INPP5D: variants seen among roughly 807,000 people sequenced by gnomAD.
The protein encoded by INPP5D is phosphatidylinositol 3,4,5-trisphosphate 5-phosphatase 1.
INPP5D carries 33 observed loss-of-function variants against 122.9 expected under a neutral mutation model. The ratio of observed to expected loss-of-function variants is 0.27; its 90% confidence interval spans 0.20 to 0.36. The LOEUF (loss-of-function observed/expected upper bound fraction) is 0.36, where lower values mean the gene tolerates loss of function less well. Among genes scored for constraint, INPP5D ranks in the 10% least tolerant of loss-of-function variants. INPP5D has a pLI of 1.00. For missense variants in INPP5D, 1,053 were observed against 1,412.7 expected (o/e 0.75, Z 4.08); for synonymous variants, 584 against 576.2 (o/e 1.01, Z -0.19).
rs748724329 is a variant in INPP5D at position 233,204,369 on chromosome 2, G to T, written c.3219G>T (p.Gly1073=). 6.2e-7 allele frequency: 1 copy of T among 1,610,252 alleles called. No homozygotes were observed. The highest frequency in any genetic ancestry group is 8.5e-7 in the Non-Finnish European group (1 of 1,178,340). Residue 1073 remains glycine (G), a synonymous_variant, in exon 26 of 27, where the codon GGG becomes GGT. Transcript: ENST00000445964. ...TKAQEADRGE[G]PGKQVPAPRL... is the part of the protein sequence containing the mutation. ...CCCAGGAGGCTGATCGCGGCGAGGG[G>T]CCCGGCAAGCAGGTGCCCGCGCCCC...
At chr2:233,150,697 C>G (rs1184235408) in intron 9 of INPP5D, among the ~76,000 whole-genome samples, 1 of 152,216 alleles carries the variant, frequency 6.6e-6, no homozygotes, top group African/African-American at 2.4e-5. Context: ...GCCAGCCCTT[C>G]ATCGTGAACG....
chr2:233,070,164 T>C (rs1691338341), intron 1 of INPP5D, among the ~76,000 whole-genome samples: 1 of 152,238 alleles, frequency 6.6e-6, no homozygotes, highest in African/African-American at 2.4e-5. Context: ...CTATCGAAGC[T>C]ATAGTTTTTC....
In INPP5D at chr2:233,170,304, T is replaced by C; in HGVS notation, c.1791+140T>C. On this transcript the variant is annotated intron_variant, in intron 15 of 26. Coordinates refer to ENST00000445964, the MANE Select transcript of INPP5D (RefSeq NM_001017915.3). This position sits in a 1 kb window ranked among gnomAD's most constrained non-coding sequence, Gnocchi z 4.5. ...GCTCCCCTTGGGGGCTCAACGCTGT[T>C]TCCATTACTGAGCCTCAGCCGCTCC... is the stretch of plus-strand genomic sequence containing the variant. 1 of 1,492,254 alleles carries C rather than the reference T, an allele frequency of 6.7e-7. No homozygotes were observed. Among genetic ancestry groups the C allele is most frequent in the African/African-American group, 1.4e-5 (1 of 71,578 alleles). The allele number at this position is 1,492,254 out of a possible 1,614,324, so 92.4% of individuals were successfully genotyped here.
chr2:233,130,041 G>A (rs1482928915), intron 4 of INPP5D, among the ~76,000 whole-genome samples: 2 of 152,078 alleles, frequency 1.3e-5, no homozygotes, highest in Non-Finnish European at 2.9e-5. Context: ...AGCTGAGATT[G>A]CAGGCACCCA....
chr2:233,075,303 A>G (rs1691490037), intron 1 of INPP5D, among the ~76,000 whole-genome samples: 1 of 152,218 alleles, frequency 6.6e-6, no homozygotes, highest in Non-Finnish European at 1.5e-5. Flanking sequence ...TCATCCAGTC[A>G]CTGGGAGGAG....
At chr2:233,106,589 G>A (rs1692475593) in intron 2 of INPP5D, among the ~76,000 whole-genome samples, 1 of 152,230 alleles carries the variant, frequency 6.6e-6, no homozygotes, top group South Asian at 2.1e-4. Context: ...GCAGGGAAGG[G>A]CCCTTCTGCC....
At chr2:233,162,408 A>AT (rs1694221229) in intron 11 of INPP5D, among the ~76,000 whole-genome samples, 2 of 151,482 alleles carry the variant, frequency 1.3e-5, no homozygotes, top group Non-Finnish European at 2.9e-5. Flanking sequence ...AAATAAGTGT[A>AT]ATTATTATAT....
At chr2:233,120,166 G>C (rs1388135796) in intron 2 of INPP5D, among the ~76,000 whole-genome samples, 5 of 152,210 alleles carry the variant, frequency 3.3e-5, no homozygotes, top group Non-Finnish European at 7.3e-5. Context: ...TCCAAGGATG[G>C]CGCCTTCTCA....
chr2:233,204,911 G>A, intron 26 of INPP5D, 194 bp downstream of exon 26: 2 of 935,832 alleles, frequency 2.1e-6, no homozygotes, highest in Non-Finnish European at 3.0e-6. Flanking sequence ...GGAGAGTCAG[G>A]ATTTGAACCC....
intron 2 of INPP5D, among the ~76,000 whole-genome samples, chr2:233,120,282 G>A (rs1046361069): frequency 2.0e-5 from 3 of 152,248 alleles, no homozygotes; most frequent in Non-Finnish European, 2.9e-5. Flanking sequence ...TCAGGATTTC[G>A]AGACCAGCTT....
At chr2:233,144,259 T>TA (rs1693690432) in intron 6 of INPP5D, among the ~76,000 whole-genome samples, 1 of 96,218 alleles carries the variant, frequency 1.0e-5, no homozygotes, top group African/African-American at 4.1e-5. Flanking sequence ...TGGTCATAAT[T>TA]ATGGTGGGAG....
chr2:233,176,452 G>A, intron 17 of INPP5D, among the ~76,000 whole-genome samples: 2 of 146,636 alleles, frequency 1.4e-5, no homozygotes, highest in Non-Finnish European at 3.0e-5. Flanking sequence ...TGGATGGGTG[G>A]ATAGGTGGAT....
At chr2:233,200,355 C>T (rs2106327590) in intron 25 of INPP5D, among the ~76,000 whole-genome samples, 1 of 152,360 alleles carries the variant, frequency 6.6e-6, no homozygotes, top group Non-Finnish European at 1.5e-5. Context: ...GGCCCAATTA[C>T]CAACGATTTA....
In INPP5D at chr2:233,195,890, G is replaced by A. The variant is rs927256675; in HGVS notation, c.2693+395G>A. 1.4e-4 allele frequency among the ~76,000 whole-genome samples: 21 copies of A among 152,278 alleles called. No individual in the cohort carries two copies. The East Asian group carries it at 2.9e-3, about 21-fold the overall frequency. ...GAGGGCTGAGGCACAAGAATTGCTCGAACCCAGGAGGCAGAGATTGCAGTG... is the reference window on the plus strand; with the variant it reads ...GAGGGCTGAGGCACAAGAATTGCTCAAACCCAGGAGGCAGAGATTGCAGTG... On this transcript the variant is annotated intron_variant, in intron 24 of 26. Transcript: ENST00000445964.
chr2:233,144,470 G>A (rs1275914955), intron 6 of INPP5D, among the ~76,000 whole-genome samples: 1 of 150,306 alleles, frequency 6.7e-6, no homozygotes, highest in East Asian at 2.0e-4. Flanking sequence ...GATGGTGGAG[G>A]TGGTCATGAT....
At position 233,128,761 on chromosome 2, in the gene INPP5D, A is replaced by G. The variant is rs1392145351; in HGVS notation, c.525-1747A>G. Among the ~76,000 whole-genome samples, 2 of 152,168 alleles carry G rather than the reference A, an allele frequency of 1.3e-5. No individual in the cohort carries two copies. The highest frequency in any genetic ancestry group is 2.9e-5 in the Non-Finnish European group (2 of 68,048). ...CCAAAGTGCTGGGATTATAGGCGTG[A>G]CCCACCATGCCTGGCAATTCCTGTC... On this transcript the variant is annotated intron_variant, in intron 4 of 26. Transcript: ENST00000445964. The surrounding 1 kb of genome is among the most constrained non-coding windows in gnomAD (Gnocchi z 4.5).
At chr2:233,063,107 C>G (rs1236603455) in intron 1 of INPP5D, among the ~76,000 whole-genome samples, 1 of 152,218 alleles carries the variant, frequency 6.6e-6, no homozygotes, top group Non-Finnish European at 1.5e-5. Flanking sequence ...ACGGCAGAGG[C>G]AGACAGTCCC....
At chr2:233,090,130 C>T (rs958834324) in intron 2 of INPP5D, among the ~76,000 whole-genome samples, 1 of 152,196 alleles carries the variant, frequency 6.6e-6, no homozygotes, top group Admixed American at 6.5e-5. Context: ...GAGGATGCGT[C>T]GCCATCCCCT....
At chr2:233,073,375 C>T (rs991841349) in intron 1 of INPP5D, among the ~76,000 whole-genome samples, 1 of 152,188 alleles carries the variant, frequency 6.6e-6, no homozygotes, top group Non-Finnish European at 1.5e-5. Context: ...CACAGTGGCT[C>T]ACGCCTGTAA....
Sources: gnomAD v4.1 joint callset for allele counts (sites outside exome capture counted in the v4.1 genomes callset) on GRCh38, gnomAD v4.1.1 for gene constraint, Gnocchi (gnomAD v3.1) non-coding constraint, MANE v1.5 for transcripts, NCBI Gene and HGNC (gene_info 2026-07-23, HGNC 2026-07-21) for gene names.